The following SAMD8 variants were observed in gnomAD, a reference collection of about 807,000 sequenced individuals.
SAMD8 encodes sphingomyelin synthase-related protein 1.
Under a neutral mutation model 42.0 loss-of-function variants are expected in SAMD8, and 20 were observed. That is an observed-to-expected ratio of 0.48 (90% confidence interval 0.34 to 0.69). The LOEUF (loss-of-function observed/expected upper bound fraction) is 0.69. Among genes scored for constraint, SAMD8 ranks in the 30% least tolerant of loss-of-function variants. The probability of loss-of-function intolerance (pLI) is 0.01; values close to 1 mark genes in which losing one functional copy is unlikely to be tolerated. For missense variants in SAMD8, 328 were observed against 511.6 expected, an observed-to-expected ratio of 0.64 and a Z score of 3.46; for synonymous variants, 162 against 173.0, an observed-to-expected ratio of 0.94 and a Z score of 0.50.
intron 1 of SAMD8, among the ~76,000 whole-genome samples, chr10:75,127,924 A>G (rs906489209): frequency 1.3e-5 from 2 of 152,176 alleles, no homozygotes; most frequent in Admixed American, 6.5e-5. Flanking sequence ...CATTCAGTGC[A>G]GTTAACTCTT....
intron 4 of SAMD8, 69 bp downstream of exon 4, chr10:75,168,727 A>G: frequency 1.1e-6 from 1 of 937,566 alleles, no homozygotes; most frequent in Non-Finnish European, 1.8e-6. Flanking sequence ...CAATAGGGCT[A>G]AGATTTTGCT....
chr10:75,164,416 T>C (rs1427668430), intron 2 of SAMD8: 4 of 574,408 alleles, frequency 7.0e-6, no homozygotes, highest in African/African-American at 2.0e-5. Context: ...TGGTATTTGC[T>C]GTCAGAGAAC....
intron 1 of SAMD8, among the ~76,000 whole-genome samples, chr10:75,133,050 C>T (rs1849308963): frequency 6.6e-6 from 1 of 152,014 alleles, no homozygotes; most frequent in Non-Finnish European, 1.5e-5. Flanking sequence ...TCCTGATTGA[C>T]TGTTGGTGGA....
intron 1 of SAMD8, among the ~76,000 whole-genome samples, chr10:75,128,255 T>C (rs1849191520): frequency 6.6e-6 from 1 of 152,048 alleles, no homozygotes; most frequent in East Asian, 1.9e-4. Flanking sequence ...GTATTTTTAG[T>C]AGAGACAGCA....
At chr10:75,140,242 C>T (rs1396659250) in intron 1 of SAMD8, among the ~76,000 whole-genome samples, 2 of 152,144 alleles carry the variant, frequency 1.3e-5, no homozygotes, top group African/African-American at 4.8e-5. Context: ...TTAGCTGGGA[C>T]TACAGGCAAG....
chr10:75,122,350 G>A (rs1849023630), intron 1 of SAMD8, among the ~76,000 whole-genome samples: 1 of 151,582 alleles, frequency 6.6e-6, no homozygotes, highest in Admixed American at 6.6e-5. Flanking sequence ...AGTGGCTCAC[G>A]CCTGTAATCT....
chr10:75,102,356 T>C (rs949611137), intron 1 of SAMD8, among the ~76,000 whole-genome samples: 1 of 151,752 alleles, frequency 6.6e-6, no homozygotes, highest in Non-Finnish European at 1.5e-5. Flanking sequence ...GGCAGGAGAA[T>C]GGCGTGAACC....
chr10:75,106,022 C>A (rs745765611), intron 1 of SAMD8, among the ~76,000 whole-genome samples: 13 of 151,834 alleles, frequency 8.6e-5, no homozygotes, highest in Admixed American at 6.6e-5. Flanking sequence ...GTTTCCTGAT[C>A]GGTAAAATGG....
intron 1 of SAMD8, among the ~76,000 whole-genome samples, chr10:75,134,638 C>T (rs1022088601): frequency 6.6e-6 from 1 of 151,070 alleles, no homozygotes; most frequent in African/African-American, 2.4e-5. Flanking sequence ...TTCCCCCCCC[C>T]AAAAAAAAGA....
At chr10:75,113,390 C>CTT (rs202162870) in intron 1 of SAMD8, among the ~76,000 whole-genome samples, 25 of 144,548 alleles carry the variant, frequency 1.7e-4, no homozygotes, top group African/African-American at 5.8e-4. Flanking sequence ...TCTTTCCTTT[C>CTT]TTTTTTTTTT....
At chr10:75,173,319 T>C (rs1840912244) in intron 4 of SAMD8, among the ~76,000 whole-genome samples, 1 of 152,218 alleles carries the variant, frequency 6.6e-6, no homozygotes, top group Admixed American at 6.6e-5. Context: ...TTGCTTGAAA[T>C]TGCATTCCTG....
chr10:75,168,655 A>G lies in SAMD8; in HGVS notation c.789A>G (p.Gly263=). Residue 263 remains glycine, a synonymous_variant, in exon 4 of 6, where the codon GGA becomes GGG. Coordinates refer to ENST00000542569, the MANE Select transcript of SAMD8 (RefSeq NM_001174156.2). ...CAGGACAACACCTGCAGTGTACTGG[A>G]AAGGTAGCCTGCTACCTTCTTTATC... ...SVPGQHLQCT[G]KIYGSVWEKL... is the part of the protein sequence containing the mutation. 1 of 1,587,532 alleles carries G rather than the reference A, an allele frequency of 6.3e-7. No individual in the cohort carries two copies. Among genetic ancestry groups the G allele is most frequent in the Non-Finnish European group, 8.7e-7 (1 of 1,155,790 alleles).
intron 1 of SAMD8, among the ~76,000 whole-genome samples, chr10:75,132,348 C>T (rs767590348): frequency 6.6e-6 from 1 of 152,174 alleles, no homozygotes; most frequent in Non-Finnish European, 1.5e-5. Context: ...AATGCTTGAG[C>T]ATTCTTTTTA....
rs558094849 is a variant in SAMD8, at chr10:75,139,217, C to T, written c.-15-11297C>T. ...CTCCTGACCTCAAGTGATCTGCCCA[C>T]CTCGGCCTTCCAACGTACTGGGATT... On this transcript the variant is annotated intron_variant, in intron 1 of 5. Coordinates refer to ENST00000542569, the MANE Select transcript of SAMD8 (RefSeq NM_001174156.2). Among the ~76,000 whole-genome samples, 150 of 152,120 alleles carry T rather than the reference C, an allele frequency of 9.9e-4. 1 individual carries two copies. Among genetic ancestry groups the T allele is most frequent in the Non-Finnish European group, 1.9e-3 (127 of 68,004 alleles).
At chr10:75,138,238 C>T (rs570403717) in intron 1 of SAMD8, among the ~76,000 whole-genome samples, 1 of 152,290 alleles carries the variant, frequency 6.6e-6, no homozygotes, top group South Asian at 2.1e-4. Flanking sequence ...AGAAAGGATA[C>T]TGAGTGCTGC....
At position 75,150,012 on chromosome 10, in the gene SAMD8, G is replaced by A. The variant is rs185855120; in HGVS notation, c.-15-502G>A. The stretch of plus-strand genomic sequence containing the variant: ...CTCTAGAAACCAATAGGATAGTGTA[G>A]GTAAATTACTGTTTCTGGGGTGCGT... On this transcript the variant is annotated intron_variant, in intron 1 of 5. Coordinates refer to ENST00000542569, the MANE Select transcript of SAMD8 (RefSeq NM_001174156.2). 2.1e-3 allele frequency among the ~76,000 whole-genome samples: 316 copies of A among 151,780 alleles called. 3 individuals carry two copies. The highest frequency in any genetic ancestry group is 6.8e-3 in the Middle Eastern group (2 of 294).
chr10:75,120,003 G>A (rs1409421853), intron 1 of SAMD8, among the ~76,000 whole-genome samples: 1 of 152,178 alleles, frequency 6.6e-6, no homozygotes, highest in Non-Finnish European at 1.5e-5. Flanking sequence ...GGGAGGTGGA[G>A]GTTGCAGTGA....
chr10:75,145,078 G>C (rs932021610), intron 1 of SAMD8, among the ~76,000 whole-genome samples: 8 of 152,110 alleles, frequency 5.3e-5, no homozygotes, highest in Admixed American at 5.2e-4. Flanking sequence ...TTGGAGTTGC[G>C]TTAGTCTTTT....
chr10:75,168,740 T>C (rs1840754684), intron 4 of SAMD8, 82 bp downstream of exon 4: 3 of 870,294 alleles, frequency 3.4e-6, no homozygotes, highest in South Asian at 2.7e-5. Flanking sequence ...ATTTTGCTTA[T>C]AGTATTAAAA....
Sources: gnomAD v4.1 joint callset for allele counts (sites outside exome capture counted in the v4.1 genomes callset) on GRCh38, gnomAD v4.1.1 for gene constraint, MANE v1.5 for transcripts, NCBI Gene and HGNC (gene_info 2026-07-23, HGNC 2026-07-21) for gene names.